Variants in PLOD1 observed in about 807,000 individuals in gnomAD.
The protein encoded by PLOD1 is lysine hydroxylase.
In PLOD1, 70 loss-of-function variants were observed where a neutral mutation model predicts 94.7. That is an observed-to-expected ratio of 0.74 (90% CI 0.61 to 0.90). The LOEUF is 0.90. PLOD1 is among the 40% of genes least tolerant of loss of function. The pLI is 0.00. For missense variants in PLOD1, 905 were observed against 972.7 expected, an observed-to-expected ratio of 0.93 and a Z score of 0.93; for synonymous variants, 417 against 400.2, an observed-to-expected ratio of 1.04 and a Z score of -0.50.
chr1:11,974,584 G>A, intron 18 of PLOD1, 69 bp from the exon 19 acceptor site: 1 of 1,480,276 alleles, frequency 6.8e-7, no homozygotes, highest in African/African-American at 1.4e-5. Context: ...CATGACAGGA[G>A]ATCATGACGG....
chr1:11,972,588 TTC>T lies in PLOD1; in HGVS notation c.1903-280_1903-279del, dbSNP rs1438382216. The T allele has an allele frequency of 1.9e-5, 8 of 413,986 alleles. No homozygotes were observed. Among genetic ancestry groups the T allele is most frequent in the African/African-American group, 1.6e-4 (8 of 49,476 alleles). The allele number at this position is 413,986 out of a possible 1,614,324, so 25.6% of individuals were successfully genotyped here. A position where few individuals can be genotyped will look rare whatever the true frequency, so the allele number is the denominator to read the frequency against. Reference sequence around the variant, plus strand: ...CATTTCTTCTCTTCCCTTTCATTTCTTCTCTTCCCTTTTCCTCCCTTCCTCCC... The same window carrying T: ...CATTTCTTCTCTTCCCTTTCATTTCTTCTTCCCTTTTCCTCCCTTCCTCCC... On this transcript the variant is annotated intron_variant, in intron 17 of 18. Transcript: ENST00000196061. The surrounding 1 kb of genome is among the most constrained non-coding windows in gnomAD (Gnocchi z 4.6).
At chr1:11,952,517 G>A (rs1404608621) in intron 4 of PLOD1, 106 bp from the exon 5 acceptor site, 1 of 806,986 alleles carries the variant, frequency 1.2e-6, no homozygotes, top group African/African-American at 1.7e-5. Flanking sequence ...CAGGGTTTGT[G>A]GGCATATGAG....
At position 11,972,437 on chromosome 1, in the gene PLOD1, G is replaced by A. The variant is rs1645872949; in HGVS notation, c.1903-435G>A. The stretch of plus-strand genomic sequence containing the variant: ...TGGCTAATTTTTTGTAATTTCAGTA[G>A]AGATGGGGTTTCACCATGTTGGCCA... On this transcript the variant is annotated intron_variant, in intron 17 of 18. Transcript: ENST00000196061. This position sits in a 1 kb window ranked among gnomAD's most constrained non-coding sequence, Gnocchi z 4.6. The A allele has an allele frequency of 5.4e-6, 1 of 185,028 alleles. No individual in the cohort carries two copies. The highest frequency in any genetic ancestry group is 2.3e-5 in the African/African-American group (1 of 42,822). 11.5% of individuals were successfully genotyped at this position (185,028 alleles called of 1,614,324 possible).
chr1:11,963,821 C>G lies in PLOD1; in HGVS notation c.1202+185C>G, dbSNP rs942954664. Among the ~76,000 whole-genome samples the G allele has an allele frequency of 1.3e-5, 2 of 151,812 alleles. No individual in the cohort carries two copies. Among genetic ancestry groups the G allele is most frequent in the Admixed American group, 6.6e-5 (1 of 15,224 alleles). On this transcript the variant is annotated intron_variant, in intron 11 of 18. Transcript: ENST00000196061. The surrounding 1 kb of genome is among the most constrained non-coding windows in gnomAD (Gnocchi z 4.3). ...TCCTCCTCCTCTTCCTCTTCCTCCT[C>G]TTCCTCCTTTTTCCTCCTCCTCCTC...
Position 11,947,959 on chromosome 1 carries a change from CCCT to C in PLOD1, c.77-12_77-10del. 1.9e-6 allele frequency: 3 copies of C among 1,549,878 alleles called. No individual in the cohort carries two copies. Among genetic ancestry groups the C allele is most frequent in the South Asian group, 1.1e-5 (1 of 89,840 alleles). Reference sequence around the variant, plus strand: ...TCATCCTCCATTCCCATTCACCATACCCTCCTCTGTCTGCAGACAACCTTTTAG... The same window carrying C: ...TCATCCTCCATTCCCATTCACCATACCCTCTGTCTGCAGACAACCTTTTAG... On this transcript the variant is annotated splice_polypyrimidine_tract_variant and intron_variant, in intron 1 of 18. Transcript: ENST00000196061.
At position 11,934,897 on chromosome 1, in the gene PLOD1, G is replaced by T. The variant is rs1487237736; in HGVS notation, c.76+42G>T. 5.2e-6 allele frequency: 8 copies of T among 1,526,740 alleles called. 1 individual carries two copies. In the Admixed American group the frequency reaches 1.2e-4, roughly 23 times the overall value. The allele number at this position is 1,526,740 out of a possible 1,614,324, so 94.6% of individuals were successfully genotyped here. On this transcript the variant is annotated intron_variant, in intron 1 of 18. Coordinates refer to ENST00000196061, the MANE Select transcript of PLOD1 (RefSeq NM_000302.4). ...CGGGGGCGGGAGCGCGGATCCGGGC[G>T]GGAGGGCTGGTGTCGGGCTGCCTCC...
In PLOD1 at chr1:11,974,736, C is replaced by T. The variant is rs763030551; in HGVS notation, c.2112C>T (p.Leu704=). The T allele has an allele frequency of 1.9e-6, 3 of 1,613,926 alleles. No individual in the cohort carries two copies. Among genetic ancestry groups the T allele is most frequent in the East Asian group, 2.2e-5 (1 of 44,886 alleles). The part of the protein sequence containing the change: ...KGWTLMHPGR[L]THYHEGLPTT... ...GGACCCTCATGCACCCTGGACGACT[C>T]ACGCATTACCATGAGGGGCTCCCCA... Residue 704 remains leucine, a synonymous_variant, in exon 19 of 19, where the codon CTC becomes CTT. Coordinates refer to ENST00000196061, the MANE Select transcript of PLOD1 (RefSeq NM_000302.4).
intron 1 of PLOD1, among the ~76,000 whole-genome samples, chr1:11,938,982 C>T (rs113320873): frequency 1.3e-5 from 2 of 152,172 alleles, no homozygotes; most frequent in Non-Finnish European, 2.9e-5. Context: ...AAGGCAACAT[C>T]CAAACAGGCA....
chr1:11,968,481 T>C (rs1645837454), intron 16 of PLOD1, among the ~76,000 whole-genome samples: 1 of 151,850 alleles, frequency 6.6e-6, no homozygotes, highest in African/African-American at 2.4e-5. Flanking sequence ...ATCTCCTATG[T>C]ACTTCAAGCC....
chr1:11,966,160 A>G, intron 14 of PLOD1, 91 bp from the exon 15 acceptor site: 2 of 917,180 alleles, frequency 2.2e-6, no homozygotes, highest in Middle Eastern at 2.1e-4. Context: ...AAGCACGTAC[A>G]CCTTCACTCC....
In PLOD1 at chr1:11,974,962, G is replaced by C; in HGVS notation, c.*154G>C. On this transcript the variant is annotated 3_prime_UTR_variant, in exon 19 of 19. Coordinates refer to ENST00000196061, the MANE Select transcript of PLOD1 (RefSeq NM_000302.4). ...GCCACCAATCAAAGAGATTCAAAGAGATTCCTGCAGGCCAGAGGCGGAACA... is the reference window on the plus strand; with the variant it reads ...GCCACCAATCAAAGAGATTCAAAGACATTCCTGCAGGCCAGAGGCGGAACA... 1 of 789,910 alleles carries C rather than the reference G, an allele frequency of 1.3e-6. No individual in the cohort carries two copies. Among genetic ancestry groups the C allele is most frequent in the South Asian group, 1.4e-5 (1 of 71,644 alleles). 48.9% of individuals were successfully genotyped at this position (789,910 alleles called of 1,614,324 possible).
intron 16 of PLOD1, among the ~76,000 whole-genome samples, chr1:11,969,218 ACCTC>A (rs1645844105): frequency 6.7e-6 from 1 of 150,178 alleles, no homozygotes; most frequent in African/African-American, 2.5e-5. Flanking sequence ...GAAACTCCTG[ACCTC>A]CGGTGATCCA....
At chr1:11,949,686 C>A in intron 2 of PLOD1, 87 bp from the exon 3 acceptor site, 1 of 1,420,898 alleles carries the variant, frequency 7.0e-7, no homozygotes, top group Non-Finnish European at 9.9e-7. Context: ...TCCCAAAGTG[C>A]TGGGATTACC....
chr1:11,939,456 T>C (rs747969963), intron 1 of PLOD1, among the ~76,000 whole-genome samples: 2 of 152,072 alleles, frequency 1.3e-5, no homozygotes, highest in Non-Finnish European at 2.9e-5. Flanking sequence ...GGCCACACAG[T>C]GACCACCCAC....
chr1:11,949,376 G>T (rs1293366689), intron 2 of PLOD1, among the ~76,000 whole-genome samples: 2 of 152,060 alleles, frequency 1.3e-5, no homozygotes, highest in Non-Finnish European at 2.9e-5. Flanking sequence ...TTTCCTTACA[G>T]GGGAGGGTCA....
At chr1:11,969,572 A>G (rs750024549) in intron 16 of PLOD1, among the ~76,000 whole-genome samples, 1 of 152,116 alleles carries the variant, frequency 6.6e-6, no homozygotes, top group Non-Finnish European at 1.5e-5. Context: ...ACAAGTTTTC[A>G]GTGCTCTGTA....
intron 1 of PLOD1, among the ~76,000 whole-genome samples, chr1:11,937,480 C>T (rs540925982): frequency 4.2e-4 from 64 of 152,330 alleles, no homozygotes; most frequent in African/African-American, 1.3e-3. Flanking sequence ...AAAGGGCTCT[C>T]GGCCTGGGTC....
chr1:11,966,203 C>G (rs1347051827), intron 14 of PLOD1, 48 bp from the exon 15 acceptor site: 2 of 1,377,222 alleles, frequency 1.5e-6, no homozygotes, highest in African/African-American at 1.4e-5. Flanking sequence ...GCATCCCTGG[C>G]AGTTGAGCCA....
chr1:11,967,087 A>T lies in PLOD1; in HGVS notation c.1751A>T (p.Asn584Ile), dbSNP rs1243061191. 1.3e-6 allele frequency: 2 copies of T among 1,598,972 alleles called. No individual in the cohort carries two copies. Among genetic ancestry groups the T allele is most frequent in the Non-Finnish European group, 1.7e-6 (2 of 1,166,336 alleles). ...TTTGGCCAGTGGTCTCTGGGCAACAACAAGGTGGGACCCTGATGCCTGGGC... is the reference window on the plus strand; with the variant it reads ...TTTGGCCAGTGGTCTCTGGGCAACATCAAGGTGGGACCCTGATGCCTGGGC... ...EHFGQWSLGN[N>I]KDNRIQGGYE... is the part of the protein sequence containing the mutation. Residue 584 changes from asparagine to isoleucine, a missense_variant, in exon 16 of 19, where the codon AAC (asparagine) becomes ATC (isoleucine). Physicochemically the swap from Asn to Ile is moderately radical, Grantham distance 149 (BLOSUM62 -3). Coordinates refer to ENST00000196061, the MANE Select transcript of PLOD1 (RefSeq NM_000302.4).
Sources: allele counts gnomAD v4.1 joint callset (sites outside exome capture counted in the v4.1 genomes callset), GRCh38; gene constraint gnomAD v4.1.1; non-coding constraint Gnocchi (gnomAD v3.1); transcripts MANE v1.5; gene names NCBI Gene and HGNC (gene_info 2026-07-23, HGNC 2026-07-21).